Variants in PABIR3 observed in about 807,000 individuals in gnomAD.
The protein encoded by PABIR3 is PABIR family member 3.
PABIR3 carries 20 observed loss-of-function variants against 23.1 expected under a neutral mutation model. The ratio of observed to expected loss-of-function variants is 0.86; its 90% confidence interval spans 0.61 to 1.26. PABIR3 has a LOEUF of 1.26. Ranked by LOEUF, PABIR3 falls within the 50% of genes most tolerant of loss-of-function variation. PABIR3 has a pLI of 0.00. For missense variants in PABIR3, 189 were observed against 195.4 expected (o/e 0.97, Z 0.20); for synonymous variants, 69 against 68.5 (o/e 1.01, Z -0.04).
At chrX:134,852,935 T>C (rs1223675179) in intron 10 of PABIR3, 39 bp downstream of exon 10, 1 of 943,189 alleles carries the variant, frequency 1.1e-6, no homozygotes, top group Admixed American at 3.6e-5. Flanking sequence ...TCATTGATCA[T>C]TTTTGCTTCG....
intron 3 of PABIR3, chrX:134,821,933 T>C: frequency 2.2e-5 from 17 of 764,528 alleles, no homozygotes; most frequent in Non-Finnish European, 2.6e-5. Flanking sequence ...AAAAATAATT[T>C]TTAAAAATCT....
intron 1 of PABIR3, chrX:134,799,902 AG>A (rs1401354480): frequency 9.1e-6 from 1 of 110,380 alleles, no homozygotes; most frequent in Non-Finnish European, 1.9e-5. Flanking sequence ...TGGGAGGCGG[AG>A]GTTGCAGTGA....
chrX:134,804,873 C>T (rs902724871), upstream of PABIR3, among the ~76,000 whole-genome samples: 1 of 112,432 alleles, frequency 8.9e-6, no homozygotes, highest in African/African-American at 3.2e-5. Flanking sequence ...CTTTTATAAA[C>T]GTTCAGGTAC....
chrX:134,798,812 G>C lies in PABIR3; in HGVS notation c.-98+1948G>C, dbSNP rs535816678. ...CAGGGGAGACTCATAAAGGTAGCAG[G>C]CATCACTGGGGAGAGACTGATATCC... On this transcript the variant is annotated intron_variant, in intron 1 of 4. Coordinates refer to the PABIR3 transcript ENST00000414371. Among the ~76,000 whole-genome samples, 7 of 112,343 alleles carry C rather than the reference G, an allele frequency of 6.2e-5. No individual in the cohort carries two copies. The South Asian group carries it at 2.6e-3, about 41-fold the overall frequency.
In PABIR3 at chrX:134,821,234, C is replaced by T. The variant is rs771017533; in HGVS notation, c.189+6385C>T. The stretch of plus-strand genomic sequence containing the variant: ...ACACAAAAATAAAGATGCGTATTTT[C>T]CAAGCATTGTAAAAAAAAAAAAAAA... On this transcript the variant is annotated intron_variant, in intron 3 of 10. Transcript: ENST00000645433. 31 of 838,548 alleles carry T rather than the reference C, an allele frequency of 3.7e-5. No individual in the cohort carries two copies. In the Admixed American group the frequency reaches 1.2e-3, roughly 33 times the overall value. The allele number at this position is 838,548 out of a possible 1,213,427, so 69.1% of individuals were successfully genotyped here.
intron 2 of PABIR3, among the ~76,000 whole-genome samples, chrX:134,814,146 T>G (rs924337451): frequency 1.8e-5 from 2 of 111,550 alleles, no homozygotes; most frequent in African/African-American, 6.5e-5. Flanking sequence ...GAATTGGTAT[T>G]TGCACGTTGT....
intron 1 of PABIR3, among the ~76,000 whole-genome samples, chrX:134,797,497 T>G (rs932112420): frequency 2.7e-5 from 3 of 112,500 alleles, no homozygotes; most frequent in African/African-American, 9.7e-5. Flanking sequence ...ACCTCTGTGA[T>G]CCCCACTCAT....
intron 1 of PABIR3, among the ~76,000 whole-genome samples, chrX:134,798,187 G>A (rs1261650029): frequency 8.9e-6 from 1 of 112,517 alleles, no homozygotes; most frequent in African/African-American, 3.2e-5. Flanking sequence ...ACTATTCTAA[G>A]AGTTATAGAA....
At chrX:134,864,764 T>G in the PABIR3 span, among the ~76,000 whole-genome samples, 1 of 112,410 alleles carries the variant, frequency 8.9e-6, no homozygotes, top group Non-Finnish European at 1.9e-5. Flanking sequence ...ATAAAGCTGC[T>G]ATCAACATTT....
chrX:134,861,026 C>G, the PABIR3 span, among the ~76,000 whole-genome samples: 1 of 112,061 alleles, frequency 8.9e-6, no homozygotes, highest in South Asian at 3.7e-4. Flanking sequence ...CCTATAATCC[C>G]AGCACTTTGG....
At chrX:134,820,163 C>A (rs1056495640) in intron 3 of PABIR3, among the ~76,000 whole-genome samples, 1 of 110,975 alleles carries the variant, frequency 9.0e-6, no homozygotes, top group Non-Finnish European at 1.9e-5. Context: ...TTAAAGATGT[C>A]GAGAAGGATA....
upstream of PABIR3, chrX:134,804,357 C>A: frequency 1.7e-6 from 1 of 584,165 alleles, no homozygotes; most frequent in Non-Finnish European, 2.6e-6. Flanking sequence ...ATTACTTGTT[C>A]CTTTTGATAT....
At chrX:134,841,128 AT>A (rs1424534715) in intron 4 of PABIR3, among the ~76,000 whole-genome samples, 10 of 104,315 alleles carry the variant, frequency 9.6e-5, no homozygotes, top group South Asian at 8.5e-4. Context: ...TGCCCGGCTA[AT>A]TTTTTTTTTT....
At chrX:134,817,098 C>T (rs938712800) in intron 3 of PABIR3, among the ~76,000 whole-genome samples, 3 of 111,246 alleles carry the variant, frequency 2.7e-5, no homozygotes, top group East Asian at 2.8e-4. Context: ...CGCTTCAACC[C>T]GGGAGTTGGA....
chrX:134,822,313 TGTA>T, intron 3 of PABIR3: 1 of 751,774 alleles, frequency 1.3e-6, no homozygotes, highest in African/African-American at 2.3e-5. Context: ...AAACGCCACT[TGTA>T]GTACTTAATT....
chrX:134,810,919 C>T (rs978559741), intron 2 of PABIR3: 10 of 754,323 alleles, frequency 1.3e-5, no homozygotes, highest in Non-Finnish European at 1.4e-5. Flanking sequence ...GGTCAGGGAA[C>T]TTGCCCAAAT....
chrX:134,861,807 T>C, the PABIR3 span, among the ~76,000 whole-genome samples: 1 of 111,620 alleles, frequency 9.0e-6, no homozygotes, highest in Admixed American at 9.6e-5. Context: ...GGGAAGTCCA[T>C]GGTCAAGTAA....
chrX:134,813,797 A>C (rs1279603262), intron 2 of PABIR3, among the ~76,000 whole-genome samples: 2 of 110,537 alleles, frequency 1.8e-5, no homozygotes, highest in Non-Finnish European at 3.8e-5. Context: ...TCAGGATTAC[A>C]AGGTCAAATA....
At chrX:134,845,270 A>T in intron 5 of PABIR3, 22 bp downstream of exon 5, 1 of 1,181,729 alleles carries the variant, frequency 8.5e-7, no homozygotes, top group Non-Finnish European at 1.1e-6. Flanking sequence ...ACTTTGAATT[A>T]CTATTCTGAT....
Sources: gnomAD v4.1 joint callset for allele counts (sites outside exome capture counted in the v4.1 genomes callset) on GRCh38, gnomAD v4.1.1 for gene constraint, MANE v1.5 for transcripts, NCBI Gene and HGNC (gene_info 2026-07-23, HGNC 2026-07-21) for gene names.